KLHL29: variants seen among roughly 807,000 people sequenced by gnomAD.
KLHL29 encodes kelch like family member 29.
In KLHL29, 21 loss-of-function variants were observed where a neutral mutation model predicts 80.4. The observed-to-expected ratio is 0.26, with a 90% CI of 0.19 to 0.38. KLHL29 has a LOEUF of 0.38. KLHL29 is among the 10% of genes least tolerant of loss of function. The probability of loss-of-function intolerance (pLI) is 1.00; values close to 1 mark genes in which losing one functional copy is unlikely to be tolerated. For synonymous variants in KLHL29, 511 were observed against 526.8 expected, an observed-to-expected ratio of 0.97 and a Z score of 0.41; for missense variants, 867 against 1,223.9, an observed-to-expected ratio of 0.71 and a Z score of 4.35.
chr2:23,704,944 A>C (rs1377620671), intron 13 of KLHL29, among the ~76,000 whole-genome samples: 1 of 152,238 alleles, frequency 6.6e-6, no homozygotes, highest in Non-Finnish European at 1.5e-5. Flanking sequence ...ACCTCCTACT[A>C]GCATGTCAGT....
chr2:23,558,009 A>G (rs1010829), intron 2 of KLHL29, among the ~76,000 whole-genome samples: 25,239 of 152,058 alleles, frequency 0.17, 3,254 homozygotes, highest in African/African-American at 0.34. Context: ...GTGGCCTCCA[A>G]GGTTGCCATG....
At chr2:23,497,756 G>A (rs1370224675) in intron 2 of KLHL29, among the ~76,000 whole-genome samples, 1 of 152,180 alleles carries the variant, frequency 6.6e-6, no homozygotes, top group East Asian at 1.9e-4. Flanking sequence ...CCTGAGGCTG[G>A]TGCGTGCATG....
At chr2:23,458,587 C>A (rs569873837) in intron 1 of KLHL29, among the ~76,000 whole-genome samples, 4 of 152,216 alleles carry the variant, frequency 2.6e-5, no homozygotes, top group Non-Finnish European at 5.9e-5. Flanking sequence ...ATTATGAACA[C>A]GTGTTCTCAT....
Position 23,596,370 on chromosome 2 carries a change from C to T in KLHL29, c.285+33889C>T, listed in dbSNP as rs1333115567. Among the ~76,000 whole-genome samples, 1 of 152,194 alleles carries T rather than the reference C, an allele frequency of 6.6e-6. No individual in the cohort carries two copies. Among genetic ancestry groups the T allele is most frequent in the African/African-American group, 2.4e-5 (1 of 41,450 alleles). ...GCTACCAACACGCCCCTATGAGTCT[C>T]TGTCTCCGAGCAGAGGTCTTGGTGT... On this transcript the variant is annotated intron_variant, in intron 3 of 13. Transcript: ENST00000486442. The surrounding 1 kb of genome is among the most constrained non-coding windows in gnomAD (Gnocchi z 4.4).
intron 1 of KLHL29, among the ~76,000 whole-genome samples, chr2:23,456,594 G>A (rs765716583): frequency 1.3e-5 from 2 of 152,362 alleles, no homozygotes; most frequent in East Asian, 3.9e-4. Context: ...ACATTCTCCC[G>A]CGCCAGCTCT....
chr2:23,679,389 C>T (rs1276942398), intron 5 of KLHL29, among the ~76,000 whole-genome samples: 1 of 152,200 alleles, frequency 6.6e-6, no homozygotes, highest in Non-Finnish European at 1.5e-5. Flanking sequence ...AACAGGCTAG[C>T]CCAGGCTTGT....
chr2:23,589,970 G>A (rs576851764), intron 3 of KLHL29, among the ~76,000 whole-genome samples: 1 of 152,350 alleles, frequency 6.6e-6, no homozygotes, highest in East Asian at 1.9e-4. Context: ...GCATGCAGCT[G>A]GCATCCTGGG....
intron 2 of KLHL29, among the ~76,000 whole-genome samples, chr2:23,496,163 G>A (rs1369398011): frequency 3.9e-5 from 6 of 152,222 alleles, no homozygotes; most frequent in Admixed American, 1.3e-4. Flanking sequence ...CGGCTTACCC[G>A]CTGCAGCAGT....
At chr2:23,623,372 A>G (rs760679202) in intron 3 of KLHL29, among the ~76,000 whole-genome samples, 2 of 152,110 alleles carry the variant, frequency 1.3e-5, no homozygotes, top group Non-Finnish European at 2.9e-5. Flanking sequence ...CTGGGGAACA[A>G]TATGTTTGCC....
intron 2 of KLHL29, among the ~76,000 whole-genome samples, chr2:23,540,945 C>A (rs986650758): frequency 2.6e-5 from 4 of 152,120 alleles, no homozygotes; most frequent in Non-Finnish European, 5.9e-5. Flanking sequence ...GGTCATGGAC[C>A]CTGATTCAAT....
At chr2:23,543,315 AGGAGG>A (rs753632334) in intron 2 of KLHL29, among the ~76,000 whole-genome samples, 1 of 152,136 alleles carries the variant, frequency 6.6e-6, no homozygotes, top group Non-Finnish European at 1.5e-5. Flanking sequence ...CCCAAGAAAG[AGGAGG>A]GCACAGACAT....
intron 1 of KLHL29, among the ~76,000 whole-genome samples, chr2:23,436,280 T>TTGTGTGTGTGTGTGTGTG (rs57931176): frequency 1.2e-4 from 17 of 136,944 alleles, no homozygotes; most frequent in African/African-American, 3.6e-4. Context: ...CCAATCAGCT[T>TTGTGTGTGTGTGTGTGTG]TGTGTGTGTG....
At chr2:23,670,140 G>A (rs1311462531) in intron 5 of KLHL29, 1 of 152,142 alleles carries the variant, frequency 6.6e-6, no homozygotes, top group Admixed American at 6.5e-5. Context: ...GCTGCACAGG[G>A]CTCTGGGAAT....
At chr2:23,413,656 A>G (rs1297886683) in intron 1 of KLHL29, among the ~76,000 whole-genome samples, 1 of 152,192 alleles carries the variant, frequency 6.6e-6, no homozygotes, top group East Asian at 1.9e-4. Flanking sequence ...CATTGACTTC[A>G]TGGAAAAAAC....
chr2:23,671,732 G>A (rs775774871), intron 5 of KLHL29, among the ~76,000 whole-genome samples: 8 of 152,178 alleles, frequency 5.3e-5, no homozygotes, highest in Non-Finnish European at 7.4e-5. Flanking sequence ...CGGGGCCTCC[G>A]AATGGAAAGA....
Position 23,527,710 on chromosome 2 carries a change from G to T in KLHL29, c.-45-34442G>T, listed in dbSNP as rs539329342. Among the ~76,000 whole-genome samples, 20 of 152,342 alleles carry T rather than the reference G, an allele frequency of 1.3e-4. No individual in the cohort carries two copies. The South Asian group carries it at 4.1e-3, about 32-fold the overall frequency. On this transcript the variant is annotated intron_variant, in intron 2 of 13. Coordinates refer to ENST00000486442, the MANE Select transcript of KLHL29 (RefSeq NM_052920.2). ...ATTGTCCAACAACCTCGCCACATGG[G>T]TTGTGCTCTCATTTCAGAGGTGAGG...
chr2:23,600,989 A>G (rs1379960022), intron 3 of KLHL29, among the ~76,000 whole-genome samples: 1 of 152,250 alleles, frequency 6.6e-6, no homozygotes, highest in African/African-American at 2.4e-5. Context: ...TAAACCTCAC[A>G]ACAACCCTGT....
At chr2:23,432,240 G>A (rs375495954) in intron 1 of KLHL29, among the ~76,000 whole-genome samples, 16 of 152,090 alleles carry the variant, frequency 1.1e-4, no homozygotes, top group African/African-American at 3.4e-4. Flanking sequence ...AATCTAATTC[G>A]TCCTTGTTAA....
At chr2:23,678,957 A>C (rs2149183760) in intron 5 of KLHL29, among the ~76,000 whole-genome samples, 1 of 152,138 alleles carries the variant, frequency 6.6e-6, no homozygotes, top group South Asian at 2.1e-4. Flanking sequence ...TCCGTTTGTG[A>C]AGATGAAAAG....
Sources: allele counts gnomAD v4.1 joint callset (sites outside exome capture counted in the v4.1 genomes callset), GRCh38; gene constraint gnomAD v4.1.1; non-coding constraint Gnocchi (gnomAD v3.1); transcripts MANE v1.5; gene names NCBI Gene and HGNC (gene_info 2026-07-23, HGNC 2026-07-21).